Variants in CTNNA2 observed in about 807,000 individuals in gnomAD.
CTNNA2 encodes the protein catenin alpha-2.
Under a neutral mutation model 101.0 loss-of-function variants are expected in CTNNA2, and 42 were observed. The observed-to-expected ratio is 0.42, with a 90% confidence interval of 0.32 to 0.54. CTNNA2 has a LOEUF of 0.54. Ranked by LOEUF, CTNNA2 falls within the 20% of genes least tolerant of loss-of-function variation. The pLI, the probability that CTNNA2 is intolerant of heterozygous loss-of-function variation, is 0.14. For missense variants in CTNNA2, 871 were observed against 1,223.1 expected, an observed-to-expected ratio of 0.71 and a Z score of 4.29; for synonymous variants, 450 against 456.4, an observed-to-expected ratio of 0.99 and a Z score of 0.18.
At chr2:79,340,341 A>T (rs984229905) in intron 3 of CTNNA2, among the ~76,000 whole-genome samples, 3 of 152,168 alleles carry the variant, frequency 2.0e-5, no homozygotes, top group Admixed American at 6.5e-5. Flanking sequence ...ATTAAGGAGA[A>T]ATTAAACGCA....
chr2:79,550,020 A>G (rs962184593), intron 1 of CTNNA2, among the ~76,000 whole-genome samples: 8 of 152,296 alleles, frequency 5.3e-5, no homozygotes, highest in African/African-American at 1.9e-4. Flanking sequence ...TATGAGCCAG[A>G]ACTGGGCTGG....
chr2:79,515,369 A>G (rs558489499), intron 1 of CTNNA2, among the ~76,000 whole-genome samples: 5 of 152,308 alleles, frequency 3.3e-5, no homozygotes, highest in Admixed American at 3.3e-4. Flanking sequence ...ATTTCTTTCA[A>G]AAGACTTTTC....
intron 4 of CTNNA2, among the ~76,000 whole-genome samples, chr2:79,426,006 T>C (rs1381128202): frequency 1.3e-5 from 2 of 152,138 alleles, no homozygotes; most frequent in African/African-American, 2.4e-5. Context: ...GGCTGTAAGT[T>C]ATGTATATAA....
chr2:79,876,827 T>G (rs12997328), intron 6 of CTNNA2, among the ~76,000 whole-genome samples: 15,551 of 152,208 alleles, frequency 0.1, 858 homozygotes, highest in Non-Finnish European at 0.13. Flanking sequence ...TCAAGGTTTT[T>G]TTTTTGTTGT....
chr2:79,596,847 G>C (rs1449166298), intron 1 of CTNNA2, among the ~76,000 whole-genome samples: 1 of 152,178 alleles, frequency 6.6e-6, no homozygotes, highest in Non-Finnish European at 1.5e-5. Context: ...CCAGTGCTCT[G>C]CTATTCTCCA....
rs568853598 is a variant in CTNNA2 at position 79,519,547 on chromosome 2, A to T, written c.-6+6340A>T. ...TTTATCTGCCTTTTGAGTGACTTAG[A>T]CTTATATCTAGCTATAAAATTCTAT... On this transcript the variant is annotated intron_variant, in intron 1 of 18. Transcript: ENST00000402739. Among the ~76,000 whole-genome samples, 3 of 152,286 alleles carry T rather than the reference A, an allele frequency of 2.0e-5. No homozygotes were observed. The South Asian group carries it at 6.2e-4, about 32-fold the overall frequency.
intron 7 of CTNNA2, among the ~76,000 whole-genome samples, chr2:79,913,590 TGAG>T (rs1406062166): frequency 2.6e-5 from 4 of 151,844 alleles, no homozygotes; most frequent in Non-Finnish European, 2.9e-5. Flanking sequence ...GGAGGACAGG[TGAG>T]GAGGCCCTGC....
chr2:79,960,797 G>A (rs1277326645), intron 7 of CTNNA2, among the ~76,000 whole-genome samples: 3 of 152,116 alleles, frequency 2.0e-5, no homozygotes, highest in Admixed American at 6.5e-5. Flanking sequence ...TTGTTTGACT[G>A]GAGCGATAAG....
At chr2:80,449,782 G>T (rs1368140531) in intron 9 of CTNNA2, among the ~76,000 whole-genome samples, 1 of 152,162 alleles carries the variant, frequency 6.6e-6, no homozygotes, top group African/African-American at 2.4e-5. Flanking sequence ...GGGGCCATGT[G>T]CCTTTCTGTA....
chr2:79,895,559 GA>G (rs1684647571), intron 6 of CTNNA2, among the ~76,000 whole-genome samples: 1 of 151,898 alleles, frequency 6.6e-6, no homozygotes, highest in African/African-American at 2.4e-5. Context: ...TCAAACCACC[GA>G]CATAGAGTTT....
At chr2:79,333,462 G>A (rs191540737) in intron 3 of CTNNA2, among the ~76,000 whole-genome samples, 65 of 152,148 alleles carry the variant, frequency 4.3e-4, no homozygotes, top group Non-Finnish European at 6.5e-4. Flanking sequence ...ATTTAGGTTG[G>A]CTGCAATTCT....
intron 7 of CTNNA2, among the ~76,000 whole-genome samples, chr2:80,214,619 G>A (rs953457886): frequency 7.2e-5 from 11 of 152,044 alleles, no homozygotes; most frequent in Admixed American, 6.6e-5. Context: ...TGGGTAACCC[G>A]ACCTCTCTCT....
chr2:79,211,895 C>T (rs147632456), intron 2 of CTNNA2, among the ~76,000 whole-genome samples: 2,849 of 152,032 alleles, frequency 0.019, 132 homozygotes, highest in East Asian at 0.15. Flanking sequence ...TTAGGGGCGG[C>T]GCGGGAACCT....
intron 7 of CTNNA2, among the ~76,000 whole-genome samples, chr2:80,017,740 T>C (rs987100168): frequency 2.6e-5 from 4 of 152,124 alleles, no homozygotes; most frequent in Non-Finnish European, 4.4e-5. Context: ...TTCATAGACA[T>C]TGACCTACCA....
intron 11 of CTNNA2, among the ~76,000 whole-genome samples, chr2:80,548,472 C>G (rs1238061901): frequency 3.3e-5 from 5 of 152,122 alleles, no homozygotes; most frequent in Non-Finnish European, 7.3e-5. Context: ...ATTTTCCTCC[C>G]CCGAGCCCTG....
At chr2:79,527,777 T>C (rs1672504766) in intron 1 of CTNNA2, among the ~76,000 whole-genome samples, 1 of 152,142 alleles carries the variant, frequency 6.6e-6, no homozygotes, top group East Asian at 1.9e-4. Flanking sequence ...AAGTTAAATA[T>C]AAAATTTCCT....
intron 4 of CTNNA2, among the ~76,000 whole-genome samples, chr2:79,436,693 G>A (rs908237644): frequency 1.2e-4 from 18 of 151,590 alleles, no homozygotes; most frequent in Non-Finnish European, 1.6e-4. Context: ...GTGCAGTGGC[G>A]CAGTCTCGGC....
upstream of CTNNA2, among the ~76,000 whole-genome samples, chr2:79,511,418 G>A (rs1192247938): frequency 6.6e-6 from 1 of 152,062 alleles, no homozygotes; most frequent in Non-Finnish European, 1.5e-5. Context: ...AAATCATTTG[G>A]CGCTCGGCAC....
chr2:79,819,124 C>T (rs1677808486), intron 3 of CTNNA2, among the ~76,000 whole-genome samples: 1 of 151,634 alleles, frequency 6.6e-6, no homozygotes, highest in Non-Finnish European at 1.5e-5. Context: ...GGATTACAGG[C>T]ATGCGCCACC....
Sources: gnomAD v4.1 joint callset for allele counts (sites outside exome capture counted in the v4.1 genomes callset) on GRCh38, gnomAD v4.1.1 for gene constraint, MANE v1.5 for transcripts, NCBI Gene and HGNC (gene_info 2026-07-23, HGNC 2026-07-21) for gene names.